The following VAV3 variants were observed in gnomAD, a reference collection of about 807,000 sequenced individuals.
VAV3 encodes the protein vav guanine nucleotide exchange factor 3.
In VAV3, 94 loss-of-function variants were observed where a neutral mutation model predicts 131.2. The ratio of observed to expected loss-of-function variants is 0.72; its 90% CI spans 0.61 to 0.85. VAV3 has a LOEUF of 0.85. Among genes scored for constraint, VAV3 ranks in the 40% least tolerant of loss-of-function variants. The pLI is 0.00. For missense variants in VAV3, 939 were observed against 1,002.7 expected, an observed-to-expected ratio of 0.94 and a Z score of 0.86; for synonymous variants, 349 against 342.0, an observed-to-expected ratio of 1.02 and a Z score of -0.22.
intron 1 of VAV3, among the ~76,000 whole-genome samples, chr1:107,889,814 G>C (rs192846841): frequency 6.6e-6 from 1 of 152,310 alleles, no homozygotes; most frequent in Admixed American, 6.5e-5. Context: ...TAAGTTAGGT[G>C]CAGATTTGGA....
chr1:107,714,171 T>C (rs1374290521), intron 15 of VAV3, among the ~76,000 whole-genome samples: 1 of 152,126 alleles, frequency 6.6e-6, no homozygotes, highest in Non-Finnish European at 1.5e-5. Flanking sequence ...TTGAGACCAA[T>C]ACTATGATGG....
chr1:107,617,746 A>G, intron 20 of VAV3, 114 bp from the exon 21 acceptor site: 2 of 862,074 alleles, frequency 2.3e-6, no homozygotes, highest in Non-Finnish European at 3.7e-6. Context: ...CTTATGTGTT[A>G]TATCCAGTCC....
intron 22 of VAV3, among the ~76,000 whole-genome samples, chr1:107,605,915 T>TGAA (rs1222501410): frequency 6.6e-6 from 1 of 152,190 alleles, no homozygotes. Context: ...CTGCATTAAT[T>TGAA]GAATTAAGAC....
At chr1:107,691,915 T>G (rs1280320903) in intron 17 of VAV3, among the ~76,000 whole-genome samples, 1 of 152,172 alleles carries the variant, frequency 6.6e-6, no homozygotes, top group African/African-American at 2.4e-5. Context: ...AAGTGAAAAT[T>G]TAAATAATTT....
chr1:107,827,039 A>G (rs368215888), intron 2 of VAV3, among the ~76,000 whole-genome samples: 1 of 152,184 alleles, frequency 6.6e-6, no homozygotes, highest in South Asian at 2.1e-4. Context: ...GTATGCTGTA[A>G]TAGTTTCTCA....
chr1:107,751,341 A>G (rs1663712120), intron 12 of VAV3, 139 bp from the exon 13 acceptor site: 2 of 693,304 alleles, frequency 2.9e-6, no homozygotes. Flanking sequence ...AAGCATACTT[A>G]CTCTAAAAAG....
chr1:107,777,411 T>C (rs1665423939), intron 3 of VAV3, 115 bp from the exon 4 acceptor site: 1 of 881,082 alleles, frequency 1.1e-6, no homozygotes, highest in African/African-American at 1.7e-5. Flanking sequence ...GCCAAAATGG[T>C]CAGATCAGTC....
chr1:107,753,338 G>C (rs1314170246), intron 12 of VAV3, among the ~76,000 whole-genome samples: 1 of 151,692 alleles, frequency 6.6e-6, no homozygotes, highest in Non-Finnish European at 1.5e-5. Flanking sequence ...TGTTTAATGA[G>C]TACAGAGTTT....
At chr1:107,685,449 A>G (rs779829187) in intron 18 of VAV3, among the ~76,000 whole-genome samples, 1 of 152,194 alleles carries the variant, frequency 6.6e-6, no homozygotes, top group Non-Finnish European at 1.5e-5. Context: ...GTGATAGATT[A>G]TTAGCTTTTT....
chr1:107,671,019 G>T (rs1021462116), intron 19 of VAV3, among the ~76,000 whole-genome samples: 10 of 152,194 alleles, frequency 6.6e-5, no homozygotes, highest in African/African-American at 2.4e-4. Context: ...CCAAAGCATG[G>T]CATTACAGTT....
chr1:107,908,809 C>T lies in VAV3; in HGVS notation c.205-33792G>A, dbSNP rs186765653. Reference sequence around the variant, plus strand: ...TTACATCACCATCACCCAACACCCCCGCCCCACTCAAACACACACACACAC... The same window carrying T: ...TTACATCACCATCACCCAACACCCCTGCCCCACTCAAACACACACACACAC... On this transcript the variant is annotated intron_variant, in intron 1 of 26. Transcript: ENST00000370056. 6.4e-3 allele frequency among the ~76,000 whole-genome samples: 915 copies of T among 144,076 alleles called. 9 individuals are homozygous for T. Among genetic ancestry groups the T allele is most frequent in the African/African-American group, 0.022 (845 of 38,484 alleles). 94.5% of individuals were successfully genotyped at this position (144,076 alleles called of 152,430 possible).
At chr1:107,769,941 A>G (rs567538295) in intron 6 of VAV3, among the ~76,000 whole-genome samples, 1 of 152,262 alleles carries the variant, frequency 6.6e-6, no homozygotes, top group South Asian at 2.1e-4. Context: ...TTCTTCTCTT[A>G]GTTACCACTC....
chr1:107,639,023 T>C (rs1444645027), intron 20 of VAV3, among the ~76,000 whole-genome samples: 4 of 151,868 alleles, frequency 2.6e-5, no homozygotes, highest in Non-Finnish European at 4.4e-5. Flanking sequence ...CACATAAAGA[T>C]ATATATACAC....
chr1:107,650,219 G>A (rs1338498137), intron 19 of VAV3, among the ~76,000 whole-genome samples: 3 of 151,976 alleles, frequency 2.0e-5, no homozygotes, highest in East Asian at 1.9e-4. Context: ...CAGTCTTGAG[G>A]GTCTGGCCCA....
At chr1:107,780,648 TG>T (rs1665636326) in intron 2 of VAV3, among the ~76,000 whole-genome samples, 1 of 152,132 alleles carries the variant, frequency 6.6e-6, no homozygotes, top group South Asian at 2.1e-4. Context: ...CTCAAGTAGC[TG>T]GGATTACAGG....
intron 1 of VAV3, among the ~76,000 whole-genome samples, chr1:107,942,500 C>A (rs1289100889): frequency 6.6e-6 from 1 of 152,156 alleles, no homozygotes; most frequent in East Asian, 1.9e-4. Flanking sequence ...TTCAGGCCCA[C>A]CACACTTTCT....
chr1:107,673,079 T>C (rs1319906080), intron 19 of VAV3, among the ~76,000 whole-genome samples: 1 of 152,230 alleles, frequency 6.6e-6, no homozygotes, highest in Non-Finnish European at 1.5e-5. Flanking sequence ...AGTATGTTCA[T>C]GCACAGATGT....
At chr1:107,717,028 A>G (rs1217597555) in intron 15 of VAV3, among the ~76,000 whole-genome samples, 1 of 152,092 alleles carries the variant, frequency 6.6e-6, no homozygotes, top group African/African-American at 2.4e-5. Context: ...ATTTACATAG[A>G]GGTGTTTATA....
At chr1:107,803,052 TCGTG>T (rs1666900353) in intron 2 of VAV3, among the ~76,000 whole-genome samples, 1 of 152,068 alleles carries the variant, frequency 6.6e-6, no homozygotes. Flanking sequence ...TTCTATTTCT[TCGTG>T]GCTTAATCTT....
Sources: allele counts gnomAD v4.1 joint callset (sites outside exome capture counted in the v4.1 genomes callset), GRCh38; gene constraint gnomAD v4.1.1; transcripts MANE v1.5; gene names NCBI Gene and HGNC (gene_info 2026-07-23, HGNC 2026-07-21).